PIBF1: variants seen among roughly 807,000 people sequenced by gnomAD.
PIBF1 encodes the protein progesterone-induced-blocking factor 1.
A neutral mutation model predicts 112.5 loss-of-function variants in PIBF1; 90 were observed. The observed-to-expected ratio is 0.80, with a 90% CI of 0.67 to 0.95. The LOEUF (loss-of-function observed/expected upper bound fraction) is 0.95. Ranked by LOEUF, PIBF1 falls within the 40% of genes least tolerant of loss-of-function variation. The pLI is 0.00. For missense variants in PIBF1, 915 were observed against 852.3 expected (o/e 1.07, Z -0.92); for synonymous variants, 301 against 288.6 (o/e 1.04, Z -0.44).
chr13:72,840,447 G>A (rs1478353223), intron 9 of PIBF1, among the ~76,000 whole-genome samples: 1 of 150,758 alleles, frequency 6.6e-6, no homozygotes, highest in Non-Finnish European at 1.5e-5. Context: ...AAAGTGTGCT[G>A]TTACAATAAG....
chr13:72,947,374 G>T (rs988408213), intron 14 of PIBF1, among the ~76,000 whole-genome samples: 1 of 152,190 alleles, frequency 6.6e-6, no homozygotes, highest in Non-Finnish European at 1.5e-5. Context: ...CTGGCCCCAG[G>T]AAACCATTTT....
At chr13:72,935,596 T>C (rs1415291818) in intron 14 of PIBF1, among the ~76,000 whole-genome samples, 4 of 152,224 alleles carry the variant, frequency 2.6e-5, no homozygotes, top group African/African-American at 9.6e-5. Context: ...TAGGTGTCTA[T>C]TTGACATCTT....
intron 5 of PIBF1, among the ~76,000 whole-genome samples, chr13:72,803,493 T>C (rs1402303878): frequency 6.6e-6 from 1 of 152,174 alleles, no homozygotes; most frequent in African/African-American, 2.4e-5. Flanking sequence ...GCCAATAGTA[T>C]GTGTTTCTGT....
At chr13:72,947,144 G>GGTTT (rs2138839363) in intron 14 of PIBF1, among the ~76,000 whole-genome samples, 2 of 152,332 alleles carry the variant, frequency 1.3e-5, no homozygotes, top group East Asian at 3.9e-4. Flanking sequence ...TCTAGTCAGT[G>GGTTT]GTTTCCAAAC....
At chr13:72,929,961 G>A (rs768760354) in intron 13 of PIBF1, among the ~76,000 whole-genome samples, 75 of 152,182 alleles carry the variant, frequency 4.9e-4, no homozygotes, top group Admixed American at 7.9e-4. Context: ...CTGGGCTCAC[G>A]TGATCCCCCC....
At chr13:72,927,509 A>T (rs1487920730) in intron 13 of PIBF1, among the ~76,000 whole-genome samples, 5 of 151,986 alleles carry the variant, frequency 3.3e-5, no homozygotes, top group African/African-American at 7.2e-5. Flanking sequence ...ACTCAAAAAT[A>T]AAAATTAAAA....
chr13:72,873,026 G>A (rs1182561628), intron 10 of PIBF1, among the ~76,000 whole-genome samples: 3 of 152,086 alleles, frequency 2.0e-5, no homozygotes, highest in Non-Finnish European at 4.4e-5. Flanking sequence ...TTCCCAAACC[G>A]ACTTACAGAG....
chr13:72,870,218 C>G lies in PIBF1; in HGVS notation c.1322+16063C>G, dbSNP rs573212392. Among the ~76,000 whole-genome samples the G allele has an allele frequency of 2.6e-5, 4 of 152,332 alleles. No individual in the cohort carries two copies. The East Asian group carries it at 7.7e-4, about 29-fold the overall frequency. On this transcript the variant is annotated intron_variant, in intron 10 of 17. Transcript: ENST00000326291. The stretch of plus-strand genomic sequence containing the variant: ...CATAGCCCATTCTATGAACTGTTCT[C>G]TGCCTTCCTTAATTCTTTAATGTAT...
At chr13:72,832,233 G>A (rs1360457803) in intron 8 of PIBF1, among the ~76,000 whole-genome samples, 1 of 151,964 alleles carries the variant, frequency 6.6e-6, no homozygotes, top group Admixed American at 6.6e-5. Flanking sequence ...TTGCCAGTCT[G>A]TCTTTTAATT....
At chr13:72,924,143 C>A (rs1364868916) in intron 13 of PIBF1, among the ~76,000 whole-genome samples, 1 of 152,090 alleles carries the variant, frequency 6.6e-6, no homozygotes, top group Admixed American at 6.6e-5. Context: ...AGAGGATCCA[C>A]CTATAGCACC....
intron 5 of PIBF1, among the ~76,000 whole-genome samples, chr13:72,801,628 T>G (rs2035479317): frequency 6.6e-6 from 1 of 151,788 alleles, no homozygotes; most frequent in Non-Finnish European, 1.5e-5. Flanking sequence ...AGCCTCCTCC[T>G]GGCTATTCTG....
chr13:72,936,081 G>T (rs531370400), intron 14 of PIBF1, among the ~76,000 whole-genome samples: 1 of 151,816 alleles, frequency 6.6e-6, no homozygotes, highest in Non-Finnish European at 1.5e-5. Flanking sequence ...AGGTTGGAGC[G>T]CAGTGGTGTA....
chr13:72,783,887 A>G (rs912067173), intron 2 of PIBF1, among the ~76,000 whole-genome samples, 166 bp downstream of exon 2: 10 of 151,928 alleles, frequency 6.6e-5, no homozygotes, highest in Non-Finnish European at 1.3e-4. Context: ...AGAGAATAGA[A>G]TGGTGGTTAC....
intron 16 of PIBF1, among the ~76,000 whole-genome samples, chr13:72,988,412 A>C (rs939492992): frequency 1.3e-5 from 2 of 152,092 alleles, no homozygotes; most frequent in Non-Finnish European, 2.9e-5. Context: ...GCAAGTATCT[A>C]GATAGGGAGA....
chr13:72,890,795 A>G (rs1027327426), intron 10 of PIBF1, among the ~76,000 whole-genome samples: 1 of 152,162 alleles, frequency 6.6e-6, no homozygotes, highest in Non-Finnish European at 1.5e-5. Context: ...ACCTGAAACT[A>G]GCTCCTGGGC....
chr13:72,930,621 A>G (rs117398953), intron 13 of PIBF1, among the ~76,000 whole-genome samples: 2,699 of 152,260 alleles, frequency 0.018, 33 homozygotes, highest in Non-Finnish European at 0.029. Flanking sequence ...TTCTTTTAGT[A>G]CAGAAGCTTA....
intron 16 of PIBF1, among the ~76,000 whole-genome samples, chr13:72,976,681 A>G (rs1460516631): frequency 6.6e-6 from 1 of 152,188 alleles, no homozygotes; most frequent in African/African-American, 2.4e-5. Flanking sequence ...ATATATACAC[A>G]TGCAAAGGCC....
At chr13:72,937,942 A>G (rs1349235885) in intron 14 of PIBF1, among the ~76,000 whole-genome samples, 1 of 152,172 alleles carries the variant, frequency 6.6e-6, no homozygotes, top group Non-Finnish European at 1.5e-5. Flanking sequence ...GTAGGCCTAA[A>G]TTTCAAACTG....
chr13:72,952,030 T>C (rs1205881134), intron 14 of PIBF1, among the ~76,000 whole-genome samples: 1 of 123,248 alleles, frequency 8.1e-6, no homozygotes, highest in African/African-American at 2.9e-5. Flanking sequence ...TTTCTTTTCT[T>C]TTCTCTTTTT....
Sources: gnomAD v4.1 joint callset for allele counts (sites outside exome capture counted in the v4.1 genomes callset) on GRCh38, gnomAD v4.1.1 for gene constraint, MANE v1.5 for transcripts, NCBI Gene and HGNC (gene_info 2026-07-23, HGNC 2026-07-21) for gene names.